The following PRPSAP1 variants were observed in gnomAD, a reference collection of about 807,000 sequenced individuals.
PRPSAP1 encodes the protein phosphoribosyl pyrophosphate synthetase associated protein 1, also known as phosphoribosyl pyrophosphate synthase-associated protein 1.
Under a neutral mutation model 39.4 loss-of-function variants are expected in PRPSAP1, and 31 were observed. The ratio of observed to expected loss-of-function variants is 0.79; its 90% CI spans 0.59 to 1.06. The LOEUF (loss-of-function observed/expected upper bound fraction) is 1.06. Ranked by LOEUF, PRPSAP1 falls within the 50% of genes least tolerant of loss-of-function variation. The probability of loss-of-function intolerance (pLI) is 0.00; values close to 1 mark genes in which losing one functional copy is unlikely to be tolerated. For synonymous variants in PRPSAP1, 212 were observed against 192.6 expected (o/e 1.10, Z -0.83); for missense variants, 430 against 511.6 (o/e 0.84, Z 1.54).
chr17:76,323,043 T>A (rs1400356557), intron 7 of PRPSAP1, among the ~76,000 whole-genome samples: 3 of 150,566 alleles, frequency 2.0e-5, no homozygotes, highest in African/African-American at 7.4e-5. Context: ...TAAAATAAAA[T>A]AAAAAGAAAT....
At chr17:76,347,009 C>T (rs1019265871) in intron 2 of PRPSAP1, among the ~76,000 whole-genome samples, 8 of 152,074 alleles carry the variant, frequency 5.3e-5, no homozygotes, top group Non-Finnish European at 1.0e-4. Context: ...ACAAGGCCAG[C>T]AAACCCTCCG....
chr17:76,338,619 C>A (rs2071403492), intron 3 of PRPSAP1, among the ~76,000 whole-genome samples: 1 of 152,046 alleles, frequency 6.6e-6, no homozygotes, highest in African/African-American at 2.4e-5. Context: ...AGGAGAATTG[C>A]TTGAACCCAG....
rs2071046325 is a variant in PRPSAP1 at position 76,309,523 on chromosome 17, T to A, written c.*2019A>T. The A allele has an allele frequency of 6.6e-6, 1 of 152,182 alleles. No individual in the cohort carries two copies. The highest frequency in any genetic ancestry group is 2.1e-4 in the South Asian group (1 of 4,832). The allele number at this position is 152,182 out of a possible 1,614,324, so 9.4% of individuals were successfully genotyped here. A position where few individuals can be genotyped will look rare whatever the true frequency, so the allele number is the denominator to read the frequency against. On this transcript the variant is annotated 3_prime_UTR_variant, in exon 10 of 10. Coordinates refer to ENST00000446526, the MANE Select transcript of PRPSAP1 (RefSeq NM_002766.3). ...CCAAAAACGTATAAATAAAACTTCCTAACAGAAGCACAGCAAGGCTACTTA... is the reference window on the plus strand; with the variant it reads ...CCAAAAACGTATAAATAAAACTTCCAAACAGAAGCACAGCAAGGCTACTTA...
intron 3 of PRPSAP1, among the ~76,000 whole-genome samples, chr17:76,338,018 TC>T (rs146748211): frequency 0.074 from 11,241 of 152,218 alleles, 614 homozygotes; most frequent in African/African-American, 0.15. Flanking sequence ...TTTACTTAGT[TC>T]CATTGCTTGG....
chr17:76,341,395 G>A lies in PRPSAP1; in HGVS notation c.290+3276C>T, dbSNP rs566869508. Among the ~76,000 whole-genome samples, 13 of 151,852 alleles carry A rather than the reference G, an allele frequency of 8.6e-5. 1 individual carries two copies. The South Asian group carries it at 1.3e-3, about 15-fold the overall frequency. Reference sequence around the variant, plus strand: ...TCAGACTACAGGTGCACACCACCACGCCTGGCTAATTTTCAAATTTTATTT... The same window carrying A: ...TCAGACTACAGGTGCACACCACCACACCTGGCTAATTTTCAAATTTTATTT... On this transcript the variant is annotated intron_variant, in intron 3 of 9. Coordinates refer to ENST00000446526, the MANE Select transcript of PRPSAP1 (RefSeq NM_002766.3).
chr17:76,337,335 A>G (rs1160626771), intron 3 of PRPSAP1: 2 of 152,368 alleles, frequency 1.3e-5, no homozygotes, highest in Admixed American at 6.5e-5. Flanking sequence ...TCAGCAGCAC[A>G]TATACTAAAA....
intron 3 of PRPSAP1, among the ~76,000 whole-genome samples, chr17:76,333,159 G>C (rs1267673330): frequency 6.6e-6 from 1 of 152,036 alleles, no homozygotes; most frequent in Non-Finnish European, 1.5e-5. Context: ...CGCCCAGGCT[G>C]GACTGCAGTG....
At chr17:76,354,119 C>A (rs1289164204), upstream of PRPSAP1, 2 of 1,009,238 alleles carry the variant, frequency 2.0e-6, no homozygotes, top group East Asian at 1.0e-4. Context: ...CAGCCTACCT[C>A]GGTAGTGGCC....
chr17:76,323,468 C>T (rs562936251), intron 7 of PRPSAP1, among the ~76,000 whole-genome samples: 4 of 151,936 alleles, frequency 2.6e-5, no homozygotes, highest in South Asian at 2.1e-4. Flanking sequence ...GAAGAACACG[C>T]GTGATTCATG....
chr17:76,348,507 A>T (rs547811987), intron 2 of PRPSAP1, 22 bp downstream of exon 2: 1 of 1,375,924 alleles, frequency 7.3e-7, no homozygotes, highest in East Asian at 2.8e-5. Context: ...AATTTTAAAA[A>T]AAAGAAATAA....
intron 8 of PRPSAP1, 123 bp from the exon 9 acceptor site, chr17:76,313,139 C>G (rs745975182): frequency 7.9e-7 from 1 of 1,259,378 alleles, no homozygotes; most frequent in Non-Finnish European, 1.1e-6. Flanking sequence ...AAAATCAGAG[C>G]TGTGTGCCTG....
chr17:76,313,136 G>C lies in PRPSAP1; in HGVS notation c.853-120C>G, dbSNP rs2071087066. ...TCAGAGGATTTCTGATGGAAAATCA[G>C]AGCTGTGTGCCTGGGTCAAAGAACG... On this transcript the variant is annotated intron_variant, in intron 8 of 9. Transcript: ENST00000446526. 4.6e-6 allele frequency: 6 copies of C among 1,295,708 alleles called. No individual in the cohort carries two copies. The East Asian group carries it at 1.5e-4, about 32-fold the overall frequency. The allele number at this position is 1,295,708 out of a possible 1,614,324, so 80.3% of individuals were successfully genotyped here.
intron 2 of PRPSAP1, among the ~76,000 whole-genome samples, chr17:76,348,053 G>A (rs969224811): frequency 7.9e-5 from 12 of 152,110 alleles, no homozygotes; most frequent in East Asian, 7.7e-4. Flanking sequence ...CGAGTGCGGT[G>A]GCTCACGCCT....
intron 3 of PRPSAP1, chr17:76,337,312 A>G (rs539030529): frequency 6.6e-6 from 1 of 152,442 alleles, no homozygotes; most frequent in Admixed American, 6.5e-5. Flanking sequence ...AACTAACCTG[A>G]GGTGTGCTCT....
chr17:76,331,723 T>C (rs1428820611), intron 4 of PRPSAP1, among the ~76,000 whole-genome samples: 1 of 152,076 alleles, frequency 6.6e-6, no homozygotes, highest in Non-Finnish European at 1.5e-5. Context: ...CAAATATACG[T>C]TAAAGTTTTA....
At chr17:76,323,229 A>G (rs1316916685) in intron 7 of PRPSAP1, among the ~76,000 whole-genome samples, 1 of 118,718 alleles carries the variant, frequency 8.4e-6, no homozygotes, top group African/African-American at 3.8e-5. Context: ...GCAATCCCAG[A>G]AACTCGAGAG....
intron 7 of PRPSAP1, among the ~76,000 whole-genome samples, chr17:76,321,136 T>C (rs921748114): frequency 1.3e-5 from 2 of 152,142 alleles, no homozygotes; most frequent in African/African-American, 4.8e-5. Flanking sequence ...GTGTCACATT[T>C]TGGTAATTCT....
At chr17:76,352,368 G>A (rs913504884) in intron 1 of PRPSAP1, among the ~76,000 whole-genome samples, 1 of 152,130 alleles carries the variant, frequency 6.6e-6, no homozygotes, top group East Asian at 1.9e-4. Context: ...CCATTTCACC[G>A]GGCGCGGTGG....
At chr17:76,320,151 T>C (rs903646705) in intron 7 of PRPSAP1, among the ~76,000 whole-genome samples, 1 of 151,618 alleles carries the variant, frequency 6.6e-6, no homozygotes, top group African/African-American at 2.4e-5. Flanking sequence ...ATGCCTGTAA[T>C]CCCAGAAACT....
Sources: gnomAD v4.1 joint callset for allele counts (sites outside exome capture counted in the v4.1 genomes callset) on GRCh38, gnomAD v4.1.1 for gene constraint, MANE v1.5 for transcripts, NCBI Gene and HGNC (gene_info 2026-07-23, HGNC 2026-07-21) for gene names.